The following HEATR5B variants were observed in gnomAD, a reference collection of about 807,000 sequenced individuals.
The protein encoded by HEATR5B is HEAT repeat-containing protein 5B.
In HEATR5B, 156 loss-of-function variants were observed where a neutral mutation model predicts 224.1. The ratio of observed to expected loss-of-function variants is 0.70; its 90% CI spans 0.61 to 0.80. The LOEUF is 0.80. Ranked by LOEUF, HEATR5B falls within the 30% of genes least tolerant of loss-of-function variation. The probability of loss-of-function intolerance (pLI) is 0.00; values close to 1 mark genes in which losing one functional copy is unlikely to be tolerated. For missense variants in HEATR5B, 2,323 were observed against 2,535.5 expected, an observed-to-expected ratio of 0.92 and a Z score of 1.80; for synonymous variants, 1,027 against 893.0, an observed-to-expected ratio of 1.15 and a Z score of -2.68.
chr2:37,053,719 A>C (rs1460610562), intron 16 of HEATR5B, 112 bp from the exon 17 acceptor site: 2 of 569,428 alleles, frequency 3.5e-6, no homozygotes, highest in Admixed American at 3.2e-5. Context: ...TCCCCATGCT[A>C]TCTCTTTTCT....
In HEATR5B at chr2:36,990,653, G is replaced by T; in HGVS notation, c.5692C>A (p.Pro1898Thr). 6.3e-7 allele frequency: 1 copy of T among 1,582,582 alleles called. No individual in the cohort carries two copies. The highest frequency in any genetic ancestry group is 8.6e-7 in the Non-Finnish European group (1 of 1,163,426). ...CTGTGTAACGTGTAACTTACCCATG[G>T]GTCGCATGAATTTAATGCATTTTTA... ...RFKNALNSCD[P>T]WVQAKCYQLL... Residue 1898 changes from proline (P) to threonine (T), a missense_variant, in exon 34 of 36, where the codon CCA becomes ACA. By Grantham distance (38) the Pro-to-Thr change is conservative. Coordinates refer to ENST00000233099, the MANE Select transcript of HEATR5B (RefSeq NM_019024.3).
intron 20 of HEATR5B, among the ~76,000 whole-genome samples, chr2:37,039,795 T>C (rs1404533684): frequency 6.6e-6 from 1 of 152,222 alleles, no homozygotes; most frequent in Non-Finnish European, 1.5e-5. Flanking sequence ...GGTACAAACA[T>C]AGGCTTTAGG....
At chr2:36,988,521 G>C (rs1666100943) in intron 35 of HEATR5B, 125 bp downstream of exon 35, 3 of 728,762 alleles carry the variant, frequency 4.1e-6, no homozygotes, top group East Asian at 2.7e-5. Context: ...TGGCCTCCCA[G>C]AGTGCTGGGA....
At chr2:37,040,788 G>A (rs966371334) in intron 19 of HEATR5B, among the ~76,000 whole-genome samples, 11 of 151,806 alleles carry the variant, frequency 7.2e-5, no homozygotes, top group African/African-American at 2.2e-4. Context: ...CAGGACCTAC[G>A]TTGGGGTATC....
rs371197128 is a variant in HEATR5B at position 37,007,193 on chromosome 2, G to A, written c.4634C>T (p.Thr1545Met). Residue 1545 changes from threonine to methionine, a missense_variant, in exon 29 of 36, where the codon ACG becomes ATG. Physicochemically the swap from Thr to Met is moderately conservative, Grantham distance 81. This residue lies in a region of HEATR5B where 844 missense variants were observed against 812.9 expected (regional missense o/e 1.04). Transcript: ENST00000233099. Reference protein sequence around the residue: ...VALWLNSTGFTCSESTEAAAI... With the variant: ...VALWLNSTGFMCSESTEAAAI... ...TGCTGCTTCTGTAGACTCTGAGCAC[G>A]TAAATCCTGTGCTATTTAACCAAAG... The A allele has an allele frequency of 2.6e-5, 42 of 1,613,986 alleles. No individual in the cohort carries two copies. The highest frequency in any genetic ancestry group is 3.1e-5 in the Non-Finnish European group (36 of 1,180,032).
intron 22 of HEATR5B, among the ~76,000 whole-genome samples, chr2:37,030,601 C>T (rs1015611668): frequency 6.6e-6 from 1 of 152,158 alleles, no homozygotes; most frequent in Non-Finnish European, 1.5e-5. Context: ...GTGCATGACT[C>T]TACATTTCTA....
intron 32 of HEATR5B, among the ~76,000 whole-genome samples, chr2:37,001,490 CTCTT>C (rs1406801028): frequency 6.6e-6 from 1 of 152,030 alleles, no homozygotes; most frequent in Non-Finnish European, 1.5e-5. Flanking sequence ...TGAAATTTAT[CTCTT>C]TATCTGATAC....
chr2:37,046,460 G>A (rs1425796518), intron 18 of HEATR5B, among the ~76,000 whole-genome samples: 2 of 151,776 alleles, frequency 1.3e-5, no homozygotes, highest in Non-Finnish European at 2.9e-5. Flanking sequence ...CCAACATGGC[G>A]AAACTCCATC....
chr2:37,038,420 A>G (rs145581520), intron 20 of HEATR5B, among the ~76,000 whole-genome samples: 5,198 of 152,296 alleles, frequency 0.034, 122 homozygotes, highest in Non-Finnish European at 0.052. Context: ...GATTACAGGC[A>G]TGAGCCACTG....
At chr2:36,984,652 A>C (rs917024700) in intron 35 of HEATR5B, among the ~76,000 whole-genome samples, 3 of 152,172 alleles carry the variant, frequency 2.0e-5, no homozygotes, top group African/African-American at 7.2e-5. Context: ...AAGCGATTAA[A>C]AGGAGCACAG....
At chr2:37,034,328 C>A (rs1446628762) in intron 21 of HEATR5B, among the ~76,000 whole-genome samples, 1 of 142,382 alleles carries the variant, frequency 7.0e-6, no homozygotes, top group Admixed American at 6.9e-5. Context: ...TTTAAGACAT[C>A]GCCGGCCGGG....
At chr2:37,026,624 C>A (rs920711243) in intron 24 of HEATR5B, among the ~76,000 whole-genome samples, 1 of 152,078 alleles carries the variant, frequency 6.6e-6, no homozygotes, top group Non-Finnish European at 1.5e-5. Flanking sequence ...TAAGTTCTTC[C>A]AGGGTATGGA....
intron 5 of HEATR5B, among the ~76,000 whole-genome samples, chr2:37,074,367 T>C (rs1283759827): frequency 8.6e-5 from 12 of 139,386 alleles, no homozygotes; most frequent in Non-Finnish European, 4.7e-5. Flanking sequence ...TGGATATCCA[T>C]ATTGAAAAAA....
At chr2:37,049,585 C>T (rs1225008959) in intron 18 of HEATR5B, 68 bp downstream of exon 18, 1 of 1,346,096 alleles carries the variant, frequency 7.4e-7, no homozygotes, top group Non-Finnish European at 1.0e-6. Flanking sequence ...ACATAAACTC[C>T]AGTTGATTAT....
intron 5 of HEATR5B, among the ~76,000 whole-genome samples, chr2:37,073,701 A>C (rs147562093): frequency 1.8e-4 from 27 of 152,356 alleles, no homozygotes; most frequent in Non-Finnish European, 3.7e-4. Flanking sequence ...AGGGTGGAAG[A>C]CTTAATATTA....
chr2:37,025,387 A>T (rs1668705314), intron 24 of HEATR5B, among the ~76,000 whole-genome samples: 2 of 152,108 alleles, frequency 1.3e-5, no homozygotes, highest in African/African-American at 4.8e-5. Context: ...AGAAAAATGC[A>T]ACCAGGGAAA....
chr2:37,067,036 A>G (rs1200339574), intron 8 of HEATR5B, among the ~76,000 whole-genome samples: 1 of 151,292 alleles, frequency 6.6e-6, no homozygotes, highest in African/African-American at 2.4e-5. Context: ...CGCCTGATTA[A>G]TTTTTGTATT....
At chr2:37,045,705 C>A (rs2148511215) in intron 18 of HEATR5B, among the ~76,000 whole-genome samples, 1 of 152,310 alleles carries the variant, frequency 6.6e-6, no homozygotes, top group East Asian at 1.9e-4. Context: ...GTTATTCCAC[C>A]CTACACATTC....
intron 2 of HEATR5B, among the ~76,000 whole-genome samples, chr2:37,080,536 A>C (rs900274806): frequency 7.2e-5 from 11 of 152,018 alleles, no homozygotes; most frequent in African/African-American, 2.7e-4. Context: ...GTCAAAAATG[A>C]CTCTATGGTT....
Sources: gnomAD v4.1 joint callset for allele counts (sites outside exome capture counted in the v4.1 genomes callset) on GRCh38, gnomAD v4.1.1 for gene constraint, gnomAD v4.1.1 regional missense constraint, MANE v1.5 for transcripts, NCBI Gene and HGNC (gene_info 2026-07-23, HGNC 2026-07-21) for gene names.